Variants in SYNRG observed in about 807,000 individuals in gnomAD.
SYNRG encodes synergin gamma.
SYNRG carries 37 observed loss-of-function variants against 130.9 expected under a neutral mutation model. That is an observed-to-expected ratio of 0.28 (90% confidence interval 0.22 to 0.37). SYNRG has a LOEUF of 0.37. Ranked by LOEUF, SYNRG falls within the 10% of genes least tolerant of loss-of-function variation. The pLI is 1.00. For missense variants in SYNRG, 1,338 were observed against 1,588.9 expected (o/e 0.84, Z 2.68); for synonymous variants, 539 against 568.1 (o/e 0.95, Z 0.73).
chr17:37,529,739 C>T (rs749223055), intron 19 of SYNRG: 2 of 1,537,248 alleles, frequency 1.3e-6, no homozygotes, highest in African/African-American at 1.4e-5. Flanking sequence ...TATCCTTTCC[C>T]CCAAATTCAC....
intron 3 of SYNRG, among the ~76,000 whole-genome samples, chr17:37,595,138 G>A (rs899383292): frequency 6.6e-6 from 1 of 152,194 alleles, no homozygotes; most frequent in African/African-American, 2.4e-5. Context: ...CAATTTCAAT[G>A]TATTCCCTTC....
intron 11 of SYNRG, among the ~76,000 whole-genome samples, chr17:37,566,505 C>T (rs978323240): frequency 1.4e-5 from 2 of 146,614 alleles, no homozygotes; most frequent in African/African-American, 5.1e-5. Flanking sequence ...TGCGGAAGGC[C>T]GCAGGGTCCT....
intron 13 of SYNRG, among the ~76,000 whole-genome samples, chr17:37,560,895 C>T (rs1354660642): frequency 6.6e-6 from 1 of 152,136 alleles, no homozygotes; most frequent in African/African-American, 2.4e-5. Context: ...AAACTCCTGA[C>T]CTCAGGTGAT....
In SYNRG at chr17:37,600,397, C is replaced by T; in HGVS notation, c.84G>A (p.Met28Ile). The T allele has an allele frequency of 6.2e-7, 1 of 1,613,580 alleles. No individual in the cohort carries two copies. Among genetic ancestry groups the T allele is most frequent in the Non-Finnish European group, 8.5e-7 (1 of 1,179,852 alleles). The change falls in exon 2 of 22, where the codon ATG (methionine) becomes ATA (isoleucine). Residue 28 changes from methionine (M) to isoleucine (I), a missense_variant. This residue lies in a region of SYNRG where 184 missense variants were observed against 217.2 expected (regional missense o/e 0.85). Transcript: ENST00000612223. ...GAGSAGGGGF[M>I]FPVAGGIRPP... ...GTCTTATCCCACCTGCAACAGGAAA[C>T]ATGAAGCTGAAAACAGAATAAAAAT...
In SYNRG at chr17:37,520,457, C is replaced by T. The variant is rs185900803; in HGVS notation, c.3777+81G>A. ...TCCCCACCTCTGGTCACAAACTCTG[C>T]AGTAAAGTGGGCCAGATGAGGTTGT... On this transcript the variant is annotated intron_variant, in intron 20 of 21. Transcript: ENST00000612223. 1.2e-4 allele frequency: 167 copies of T among 1,355,916 alleles called. 1 individual carries two copies. In the African/African-American group the frequency reaches 2.3e-3, roughly 18 times the overall value. 84.0% of individuals were successfully genotyped at this position (1,355,916 alleles called of 1,614,324 possible). A position where few individuals can be genotyped will look rare whatever the true frequency, so the allele number is the denominator to read the frequency against.
At chr17:37,576,454 C>A in intron 7 of SYNRG, 36 bp from the exon 8 acceptor site, 1 of 1,575,634 alleles carries the variant, frequency 6.3e-7, no homozygotes, top group South Asian at 1.2e-5. Flanking sequence ...TATAGTGGTC[C>A]ATGGAGAAGA....
rs2054392597 is a variant in SYNRG, at chr17:37,515,895, C to G, written c.*3045G>C. ...AAGACACCTTTAAACAAATAAGACCCCCCCAAAACCCTTCAAATATGTATA... is the reference window on the plus strand; with the variant it reads ...AAGACACCTTTAAACAAATAAGACCGCCCCAAAACCCTTCAAATATGTATA... On this transcript the variant is annotated 3_prime_UTR_variant, in exon 22 of 22. Coordinates refer to ENST00000612223, the MANE Select transcript of SYNRG (RefSeq NM_007247.6). 1.3e-5 allele frequency: 2 copies of G among 152,104 alleles called. No homozygotes were observed. The highest frequency in any genetic ancestry group is 4.1e-4 in the South Asian group (2 of 4,824). The allele number at this position is 152,104 out of a possible 1,614,324, so 9.4% of individuals were successfully genotyped here. A position where few individuals can be genotyped will look rare whatever the true frequency, so the allele number is the denominator to read the frequency against.
chr17:37,563,585 C>T (rs1474135461), intron 11 of SYNRG, among the ~76,000 whole-genome samples: 4 of 151,884 alleles, frequency 2.6e-5, no homozygotes, highest in African/African-American at 7.3e-5. Context: ...TGGAGTGCAG[C>T]GGCATGATCA....
intron 14 of SYNRG, among the ~76,000 whole-genome samples, chr17:37,546,337 T>C (rs529205583): frequency 1.0e-3 from 157 of 152,318 alleles, no homozygotes; most frequent in African/African-American, 3.7e-3. Context: ...GTATTTCCAG[T>C]TCTGCTGCAA....
chr17:37,580,506 T>TGAGAGAGAGAGAGA (rs1282046342), intron 6 of SYNRG, among the ~76,000 whole-genome samples: 18 of 114,128 alleles, frequency 1.6e-4, no homozygotes, highest in African/African-American at 4.4e-4. Flanking sequence ...TGTGTGTGTG[T>TGAGAGAGAGAGAGA]GTGTGAGAGA....
chr17:37,550,099 T>G (rs980542395), intron 14 of SYNRG, among the ~76,000 whole-genome samples: 1 of 152,148 alleles, frequency 6.6e-6, no homozygotes, highest in Non-Finnish European at 1.5e-5. Flanking sequence ...TCCACAACAC[T>G]CAACTCTTAG....
In SYNRG at chr17:37,553,648, GC is replaced by G; in HGVS notation, c.2074del (p.Ala692GlnfsTer33). ...GCTATTACTGAAAGCCATAAAATCT[GC>G]AAAGTCATCCTGCTCCCCAACAGGT... ...LAPVGEQDDF[A>X]DFMAFSNSSI... On this transcript the variant is annotated frameshift_variant, in exon 14 of 22. Coordinates refer to ENST00000612223, the MANE Select transcript of SYNRG (RefSeq NM_007247.6). LOFTEE classifies it high-confidence loss of function. 1 of 1,613,916 alleles carries G rather than the reference GC, an allele frequency of 6.2e-7. No individual in the cohort carries two copies. The highest frequency in any genetic ancestry group is 1.3e-5 in the African/African-American group (1 of 75,010).
chr17:37,573,859 A>G (rs191623487), intron 8 of SYNRG, among the ~76,000 whole-genome samples: 1 of 152,334 alleles, frequency 6.6e-6, no homozygotes, highest in East Asian at 1.9e-4. Flanking sequence ...ATCCCTATCA[A>G]TACCAATTAC....
intron 19 of SYNRG, 95 bp from the exon 20 acceptor site, chr17:37,520,743 C>T: frequency 1.1e-6 from 1 of 945,696 alleles, no homozygotes; most frequent in Non-Finnish European, 1.7e-6. Flanking sequence ...GGCCTAGCGG[C>T]AAGTACAGTA....
intron 2 of SYNRG, among the ~76,000 whole-genome samples, chr17:37,597,019 G>C (rs1319254623): frequency 6.6e-6 from 1 of 152,214 alleles, no homozygotes; most frequent in Non-Finnish European, 1.5e-5. Flanking sequence ...TGGGATTACA[G>C]GTGTGAGCCA....
In SYNRG at chr17:37,596,297, T is replaced by C. The variant is rs2062768203; in HGVS notation, c.166A>G (p.Met56Val). The C allele has an allele frequency of 1.2e-6, 2 of 1,614,062 alleles. No individual in the cohort carries two copies. Among genetic ancestry groups the C allele is most frequent in the African/African-American group, 2.7e-5 (2 of 74,940 alleles). The part of the protein sequence containing the change: ...QQQGFPMVSV[M>V]QPNMQGIMGM... ...ATAATGCCTTGCATATTAGGCTGCATGACAGAGACCATAGGAAATCCTTGT... is the reference window on the plus strand; with the variant it reads ...ATAATGCCTTGCATATTAGGCTGCACGACAGAGACCATAGGAAATCCTTGT... Residue 56 changes from methionine (M) to valine (V), a missense_variant, in exon 3 of 22, where the codon ATG (methionine) becomes GTG (valine). Met to Val is a conservative substitution (Grantham distance 21, BLOSUM62 1). Transcript: ENST00000612223.
chr17:37,520,795 AC>A lies in SYNRG; in HGVS notation c.3667-148del. ...ACAAGAATTAACCTCCCACACATCCACTGGGAACCTGCCACGGTTCCAGGTG... is the reference window on the plus strand; with the variant it reads ...ACAAGAATTAACCTCCCACACATCCATGGGAACCTGCCACGGTTCCAGGTG... On this transcript the variant is annotated intron_variant, in intron 19 of 21. Coordinates refer to ENST00000612223, the MANE Select transcript of SYNRG (RefSeq NM_007247.6). The A allele has an allele frequency of 4.5e-6, 3 of 669,680 alleles. No homozygotes were observed. In the Admixed American group the frequency reaches 7.0e-5, roughly 16 times the overall value. The allele number at this position is 669,680 out of a possible 1,614,324, so 41.5% of individuals were successfully genotyped here.
At chr17:37,592,058 A>G (rs1459746299) in intron 3 of SYNRG, among the ~76,000 whole-genome samples, 1 of 152,190 alleles carries the variant, frequency 6.6e-6, no homozygotes, top group Admixed American at 6.5e-5. Context: ...ATATCTGACA[A>G]AGGACTAGTA....
At chr17:37,535,859 T>A in intron 19 of SYNRG, 120 bp downstream of exon 19, 1 of 1,347,512 alleles carries the variant, frequency 7.4e-7, no homozygotes, top group Non-Finnish European at 1.0e-6. Flanking sequence ...TCCTTTAATA[T>A]AACATGCTCC....
Sources: gnomAD v4.1 joint callset for allele counts (sites outside exome capture counted in the v4.1 genomes callset) on GRCh38, gnomAD v4.1.1 for gene constraint, gnomAD v4.1.1 regional missense constraint, MANE v1.5 for transcripts, NCBI Gene and HGNC (gene_info 2026-07-23, HGNC 2026-07-21) for gene names.